The following PAK3 variants were observed in gnomAD, a reference collection of about 807,000 sequenced individuals.
PAK3 encodes the protein serine/threonine-protein kinase PAK 3.
PAK3 carries 4 observed loss-of-function variants against 41.0 expected under a neutral mutation model. The ratio of observed to expected loss-of-function variants is 0.10; its 90% CI spans 0.05 to 0.22. PAK3 has a LOEUF of 0.22. Among genes scored for constraint, PAK3 ranks in the 10% least tolerant of loss-of-function variants. The pLI is 1.00. For synonymous variants in PAK3, 146 were observed against 139.6 expected, an observed-to-expected ratio of 1.05 and a Z score of -0.32; for missense variants, 205 against 409.9, an observed-to-expected ratio of 0.50 and a Z score of 4.32.
rs113258931 is a variant in PAK3, at chrX:110,978,459, T to C, written c.-28+33831T>C. On this transcript the variant is annotated intron_variant, in intron 1 of 14. Transcript: ENST00000425146. ...TGATAAGATTATATTATTTTTCTTA[T>C]TTAACCTATTGATATGGTGGATTAC... is the stretch of plus-strand genomic sequence containing the variant. Among the ~76,000 whole-genome samples, 863 of 111,371 alleles carry C rather than the reference T, an allele frequency of 7.7e-3. 9 individuals are homozygous for C. The highest frequency in any genetic ancestry group is 0.027 in the African/African-American group (820 of 30,751).
rs2094929764 is a variant in PAK3, at chrX:111,221,872, T to G, written c.*1425T>G. 8.9e-6 allele frequency: 1 copy of G among 111,957 alleles called. No homozygotes were observed. Among genetic ancestry groups the G allele is most frequent in the Non-Finnish European group, 1.9e-5 (1 of 53,161 alleles). The allele number at this position is 111,957 out of a possible 1,213,427, so 9.2% of individuals were successfully genotyped here. On this transcript the variant is annotated 3_prime_UTR_variant, in exon 18 of 18. Coordinates refer to ENST00000372007, the MANE Select transcript of PAK3 (RefSeq NM_002578.5). ...AAAATAATTTTAACTTACAATCATA[T>G]CCCAAGAAATGTCAGTCCGACAGAA...
chrX:110,965,610 C>T (rs754624135), intron 1 of PAK3, among the ~76,000 whole-genome samples: 1 of 112,590 alleles, frequency 8.9e-6, no homozygotes, highest in Non-Finnish European at 1.9e-5. Context: ...AACTTGATTA[C>T]TCACTAGCAG....
intron 1 of PAK3, among the ~76,000 whole-genome samples, chrX:110,979,604 T>C (rs2091415399): frequency 8.9e-6 from 1 of 112,258 alleles, no homozygotes; most frequent in African/African-American, 3.2e-5. Flanking sequence ...TACTTTTCTC[T>C]TTTCAACTTC....
At chrX:110,946,625 C>T (rs1456533714) in intron 1 of PAK3, among the ~76,000 whole-genome samples, 1 of 112,276 alleles carries the variant, frequency 8.9e-6, no homozygotes, top group African/African-American at 3.2e-5. Context: ...AATCCACTAA[C>T]GGAATTTTTC....
intron 5 of PAK3, among the ~76,000 whole-genome samples, chrX:111,132,889 T>TAC (rs1183361962): frequency 1.0e-4 from 11 of 110,395 alleles, no homozygotes; most frequent in South Asian, 3.9e-4. Flanking sequence ...GCAGAAATCA[T>TAC]ACACACACAC....
At chrX:111,218,992 C>T (rs967722387) in intron 17 of PAK3, among the ~76,000 whole-genome samples, 1 of 109,261 alleles carries the variant, frequency 9.2e-6, no homozygotes, top group Non-Finnish European at 1.9e-5. Flanking sequence ...GTGTTTGAGA[C>T]CAGCCTGGCC....
At chrX:111,101,102 G>A (rs1027740203) in intron 3 of PAK3, among the ~76,000 whole-genome samples, 4 of 111,978 alleles carry the variant, frequency 3.6e-5, no homozygotes, top group Non-Finnish European at 7.5e-5. Flanking sequence ...ACATGATCAC[G>A]TATACAACAT....
chrX:111,013,737 C>T (rs1348417579), intron 1 of PAK3: 2 of 111,535 alleles, frequency 1.8e-5, no homozygotes, highest in African/African-American at 3.3e-5. Context: ...GAATATCCCA[C>T]AACTGGTCTC....
At chrX:111,153,783 A>C (rs2094064600) in intron 8 of PAK3, among the ~76,000 whole-genome samples, 3 of 111,839 alleles carry the variant, frequency 2.7e-5, no homozygotes, top group South Asian at 7.5e-4. Flanking sequence ...TGATCTAGCT[A>C]TTCCACTTCT....
At chrX:110,994,084 C>T (rs1341683611) in intron 1 of PAK3, among the ~76,000 whole-genome samples, 2 of 112,136 alleles carry the variant, frequency 1.8e-5, no homozygotes, top group Non-Finnish European at 3.8e-5. Context: ...TCTCATCAAT[C>T]TCATATTGAT....
At chrX:110,963,209 A>G (rs1489288377) in intron 1 of PAK3, among the ~76,000 whole-genome samples, 1 of 112,666 alleles carries the variant, frequency 8.9e-6, no homozygotes, top group Non-Finnish European at 1.9e-5. Context: ...ATTCCACTGA[A>G]TTAAAATTTT....
At chrX:110,949,147 G>C (rs1440867563) in intron 1 of PAK3, among the ~76,000 whole-genome samples, 2 of 111,875 alleles carry the variant, frequency 1.8e-5, no homozygotes, top group East Asian at 5.7e-4. Flanking sequence ...TAGTTCAGGG[G>C]AGTGAGGATT....
chrX:111,007,294 G>T (rs912388907), intron 1 of PAK3, among the ~76,000 whole-genome samples: 10 of 111,331 alleles, frequency 9.0e-5, no homozygotes, highest in African/African-American at 3.3e-4. Context: ...GAGTCACTCT[G>T]ATCCACAGAA....
rs770228377 is a variant in PAK3 at position 111,226,868 on chromosome X, C to T, written c.*6421C>T. 1 of 112,117 alleles carries T rather than the reference C, an allele frequency of 8.9e-6. No individual in the cohort carries two copies. Among genetic ancestry groups the T allele is most frequent in the East Asian group, 2.8e-4 (1 of 3,551 alleles). The allele number at this position is 112,117 out of a possible 1,213,427, so 9.2% of individuals were successfully genotyped here. A position where few individuals can be genotyped will look rare whatever the true frequency, so the allele number is the denominator to read the frequency against. On this transcript the variant is annotated 3_prime_UTR_variant, in exon 18 of 18. Coordinates refer to ENST00000372007, the MANE Select transcript of PAK3 (RefSeq NM_002578.5). Reference sequence around the variant, plus strand: ...ATAAGATCTTCACAGAATCCTGTAGCTACTAATGCATTGAGTTTTTAATCT... The same window carrying T: ...ATAAGATCTTCACAGAATCCTGTAGTTACTAATGCATTGAGTTTTTAATCT...
intron 1 of PAK3, among the ~76,000 whole-genome samples, chrX:110,962,680 C>T (rs1172940069): frequency 8.9e-6 from 1 of 112,546 alleles, no homozygotes; most frequent in Admixed American, 9.4e-5. Flanking sequence ...GGCCAAGCCG[C>T]CAAGCCTCTA....
intron 17 of PAK3, 40 bp downstream of exon 17, chrX:111,216,598 A>T (rs2149398161): frequency 1.8e-6 from 2 of 1,087,798 alleles, no homozygotes; most frequent in East Asian, 6.0e-5. Flanking sequence ...GAGGCATTAT[A>T]CTCAGCTTTT....
chrX:111,204,649 G>T (rs375289511), intron 16 of PAK3, among the ~76,000 whole-genome samples: 1 of 110,966 alleles, frequency 9.0e-6, no homozygotes, highest in South Asian at 3.9e-4. Context: ...TTCCAACCGG[G>T]TTGCAACATC....
intron 1 of PAK3, among the ~76,000 whole-genome samples, chrX:110,965,186 T>G (rs1052351848): frequency 1.8e-5 from 2 of 112,518 alleles, no homozygotes; most frequent in African/African-American, 6.4e-5. Context: ...CTGACTGCCC[T>G]GAAGGCCATG....
At chrX:110,959,947 A>G (rs1382536819) in intron 1 of PAK3, among the ~76,000 whole-genome samples, 1 of 112,044 alleles carries the variant, frequency 8.9e-6, no homozygotes, top group African/African-American at 3.2e-5. Context: ...TGCTCCCTGT[A>G]AGTGTCATGG....
Sources: gnomAD v4.1 joint callset for allele counts (sites outside exome capture counted in the v4.1 genomes callset) on GRCh38, gnomAD v4.1.1 for gene constraint, MANE v1.5 for transcripts, NCBI Gene and HGNC (gene_info 2026-07-23, HGNC 2026-07-21) for gene names.